IQUB: variants seen among roughly 807,000 people sequenced by gnomAD.
The protein encoded by IQUB is IQ motif and ubiquitin-like domain-containing protein.
In IQUB, 86 loss-of-function variants were observed where a neutral mutation model predicts 86.4. The ratio of observed to expected loss-of-function variants is 1.00; its 90% CI spans 0.84 to 1.19. The LOEUF (loss-of-function observed/expected upper bound fraction) is 1.19, where lower values mean the gene tolerates loss of function less well. Among genes scored for constraint, IQUB ranks in the 50% most tolerant of loss-of-function variants. The probability of loss-of-function intolerance (pLI) is 0.00; values close to 1 mark genes in which losing one functional copy is unlikely to be tolerated. For synonymous variants in IQUB, 289 were observed against 304.5 expected (o/e 0.95, Z 0.53); for missense variants, 946 against 916.9 (o/e 1.03, Z -0.41).
intron 1 of IQUB, among the ~76,000 whole-genome samples, chr7:123,515,528 T>G (rs1429654453): frequency 6.6e-6 from 1 of 152,148 alleles, no homozygotes. Context: ...GCAAGTGAAG[T>G]GCCTAACTGC....
chr7:123,485,696 A>G lies in IQUB; in HGVS notation c.1235-5726T>C, dbSNP rs564014946. On this transcript the variant is annotated intron_variant, in intron 7 of 12. Transcript: ENST00000324698. The stretch of plus-strand genomic sequence containing the variant: ...AACCTGACCTTGTAATTTCCAAGCA[A>G]GAAATAGCAGAACATACAATATTTT... 3.3e-5 allele frequency among the ~76,000 whole-genome samples: 5 copies of G among 152,300 alleles called. No individual in the cohort carries two copies. The South Asian group carries it at 1.0e-3, about 32-fold the overall frequency.
chr7:123,459,128 A>G (rs541981666), intron 11 of IQUB, among the ~76,000 whole-genome samples: 1 of 152,116 alleles, frequency 6.6e-6, no homozygotes, highest in African/African-American at 2.4e-5. Context: ...AATCCTAGAC[A>G]TTGGAAAAGT....
intron 1 of IQUB, among the ~76,000 whole-genome samples, chr7:123,524,022 GGCA>G (rs1426131531): frequency 6.7e-5 from 10 of 149,546 alleles, no homozygotes; most frequent in African/African-American, 2.0e-4. Context: ...GTAGATATGC[GGCA>G]TTATTTCTGA....
At chr7:123,522,337 C>T (rs11983350) in intron 1 of IQUB, among the ~76,000 whole-genome samples, 9,989 of 152,212 alleles carry the variant, frequency 0.066, 362 homozygotes, top group Non-Finnish European at 0.08. Flanking sequence ...TTTGACCCAG[C>T]ATCCAAGAAA....
intron 1 of IQUB, among the ~76,000 whole-genome samples, chr7:123,525,695 G>A (rs1396256791): frequency 7.9e-5 from 12 of 151,986 alleles, no homozygotes; most frequent in Admixed American, 3.9e-4. Flanking sequence ...TTGTGTCTCT[G>A]TTTCCTTCAT....
intron 12 of IQUB, among the ~76,000 whole-genome samples, chr7:123,455,909 G>A (rs766214439): frequency 9.2e-5 from 14 of 152,050 alleles, no homozygotes; most frequent in Non-Finnish European, 1.3e-4. Context: ...TCACATTAAC[G>A]AAAGTGTTTT....
intron 7 of IQUB, among the ~76,000 whole-genome samples, chr7:123,485,211 A>G (rs1168725979): frequency 6.6e-6 from 1 of 152,112 alleles, no homozygotes; most frequent in Admixed American, 6.6e-5. Flanking sequence ...ATATGTCAAC[A>G]GGCTTGGTTT....
chr7:123,519,975 G>T (rs1336487463), intron 1 of IQUB, among the ~76,000 whole-genome samples: 1 of 139,578 alleles, frequency 7.2e-6, no homozygotes, highest in Non-Finnish European at 1.6e-5. Context: ...ATTCATTCAT[G>T]CTTTCAACAA....
intron 8 of IQUB, among the ~76,000 whole-genome samples, chr7:123,472,548 G>A (rs1563437227): frequency 6.6e-6 from 1 of 152,072 alleles, no homozygotes; most frequent in Non-Finnish European, 1.5e-5. Flanking sequence ...GCACTTAACT[G>A]GTAAAAAGAA....
intron 7 of IQUB, among the ~76,000 whole-genome samples, chr7:123,483,454 A>C (rs917458096): frequency 1.3e-5 from 2 of 152,076 alleles, no homozygotes; most frequent in African/African-American, 4.8e-5. Context: ...TTTTTCTCTG[A>C]ATTCTAAGAA....
chr7:123,471,960 G>A (rs1051563691), intron 8 of IQUB, among the ~76,000 whole-genome samples: 3 of 152,020 alleles, frequency 2.0e-5, no homozygotes, highest in Non-Finnish European at 4.4e-5. Flanking sequence ...TTTCTCGGCC[G>A]GACACGGTGG....
chr7:123,528,476 AG>A (rs1797368403), intron 1 of IQUB, among the ~76,000 whole-genome samples: 2 of 152,254 alleles, frequency 1.3e-5, no homozygotes, highest in African/African-American at 4.8e-5. Flanking sequence ...AATATTTTCA[AG>A]AACCCAGAGC....
chr7:123,465,567 T>C (rs1429451755), intron 9 of IQUB, among the ~76,000 whole-genome samples: 2 of 151,996 alleles, frequency 1.3e-5, no homozygotes, highest in East Asian at 3.9e-4. Context: ...GTAATAGAAA[T>C]GAGTGTGGTT....
At chr7:123,469,406 A>G (rs1794424892) in intron 8 of IQUB, 22 bp from the exon 9 acceptor site, 2 of 1,416,308 alleles carry the variant, frequency 1.4e-6, no homozygotes, top group East Asian at 4.8e-5. Flanking sequence ...TATTATGTTT[A>G]TAATTATCAG....
intron 1 of IQUB, among the ~76,000 whole-genome samples, chr7:123,518,086 T>C (rs1796729110): frequency 6.6e-6 from 1 of 152,124 alleles, no homozygotes; most frequent in African/African-American, 2.4e-5. Context: ...TCTAACAGTA[T>C]AATAAAACAA....
chr7:123,515,277 A>T (rs1267897720), intron 1 of IQUB, among the ~76,000 whole-genome samples: 1 of 152,198 alleles, frequency 6.6e-6, no homozygotes, highest in African/African-American at 2.4e-5. Flanking sequence ...TTCTAAAAAC[A>T]GCAATAACAA....
intron 3 of IQUB, among the ~76,000 whole-genome samples, chr7:123,503,793 G>C (rs1796055737): frequency 6.6e-6 from 1 of 151,664 alleles, no homozygotes; most frequent in South Asian, 2.1e-4. Flanking sequence ...AGTATTAATA[G>C]TTTCTACCTC....
chr7:123,460,331 T>C (rs1793922541), intron 11 of IQUB, among the ~76,000 whole-genome samples: 2 of 152,022 alleles, frequency 1.3e-5, no homozygotes, highest in African/African-American at 4.8e-5. Flanking sequence ...AATACATTTT[T>C]ACTATAGATT....
rs1238432684 is a variant in IQUB at position 123,511,958 on chromosome 7, T to A, written c.383A>T (p.Asp128Val). ...VKESLQESVE[D>V]SLATVKVVLI... Reference sequence around the variant, plus strand: ...TTAGGTAGTACCTGTTGCTAGAGAATCTTCCACTGATTCTTGCAAAGATTC... The same window carrying A: ...TTAGGTAGTACCTGTTGCTAGAGAAACTTCCACTGATTCTTGCAAAGATTC... Residue 128 changes from aspartate to valine, a missense_variant, in exon 2 of 13, where the codon GAT becomes GTT. Asp to Val is a radical substitution (Grantham distance 152). Transcript: ENST00000324698. The A allele has an allele frequency of 3.7e-6, 6 of 1,603,290 alleles. No individual in the cohort carries two copies. Among genetic ancestry groups the A allele is most frequent in the Middle Eastern group, 1.7e-4 (1 of 6,024 alleles).
Sources: allele counts gnomAD v4.1 joint callset (sites outside exome capture counted in the v4.1 genomes callset), GRCh38; gene constraint gnomAD v4.1.1; transcripts MANE v1.5; gene names NCBI Gene and HGNC (gene_info 2026-07-23, HGNC 2026-07-21).